RRH: variants seen among roughly 807,000 people sequenced by gnomAD.
RRH encodes visual pigment-like receptor peropsin.
Under a neutral mutation model 33.1 loss-of-function variants are expected in RRH, and 36 were observed. That is an observed-to-expected ratio of 1.09 (90% CI 0.83 to 1.44). The LOEUF (loss-of-function observed/expected upper bound fraction) is 1.44, where lower values mean the gene tolerates loss of function less well. Among genes scored for constraint, RRH ranks in the 40% most tolerant of loss-of-function variants. The pLI, the probability that RRH is intolerant of heterozygous loss-of-function variation, is 0.00. For synonymous variants in RRH, 124 were observed against 140.2 expected (o/e 0.88, Z 0.82); for missense variants, 393 against 420.2 (o/e 0.94, Z 0.57).
intron 6 of RRH, among the ~76,000 whole-genome samples, chr4:109,843,755 A>C (rs1457308579): frequency 6.6e-6 from 1 of 152,238 alleles, no homozygotes; most frequent in African/African-American, 2.4e-5. Flanking sequence ...GCATCCTTTT[A>C]AATACATATA....
rs1171302544 is a variant in RRH at position 109,831,312 on chromosome 4, A to T, written c.107-1827A>T. 3.9e-5 allele frequency among the ~76,000 whole-genome samples: 6 copies of T among 152,256 alleles called. No individual in the cohort carries two copies. In the South Asian group the frequency reaches 1.2e-3, roughly 32 times the overall value. On this transcript the variant is annotated intron_variant, in intron 1 of 6. Transcript: ENST00000317735. The stretch of plus-strand genomic sequence containing the variant: ...AAAAATAGGGCCAAAGAATCATCAA[A>T]TTTGCTGTCATTGTGTGCTAATTAT...
At chr4:109,830,294 A>G (rs1228760621) in intron 1 of RRH, among the ~76,000 whole-genome samples, 1 of 152,148 alleles carries the variant, frequency 6.6e-6, no homozygotes, top group Admixed American at 6.6e-5. Flanking sequence ...TGTAAGTTTT[A>G]AAGGTGACAG....
intron 1 of RRH, among the ~76,000 whole-genome samples, chr4:109,831,749 G>A (rs894093505): frequency 6.6e-6 from 1 of 152,164 alleles, no homozygotes; most frequent in African/African-American, 2.4e-5. Context: ...GACAACAGAT[G>A]AGGCAAAGAG....
intron 5 of RRH, among the ~76,000 whole-genome samples, chr4:109,838,364 C>T (rs1220615504): frequency 1.3e-5 from 2 of 152,150 alleles, no homozygotes; most frequent in Non-Finnish European, 2.9e-5. Context: ...TTCCCTGGGG[C>T]CTCTTGCTCT....
chr4:109,834,575 C>T (rs549395781), intron 2 of RRH, among the ~76,000 whole-genome samples: 1 of 150,786 alleles, frequency 6.6e-6, no homozygotes, highest in Non-Finnish European at 1.5e-5. Flanking sequence ...GATCTCCTGA[C>T]CTCATGATCC....
rs56989659 is a variant in RRH at position 109,836,891 on chromosome 4, C to CAAAAAA, written c.552-531_552-526dup. Among the ~76,000 whole-genome samples the CAAAAAA allele has an allele frequency of 3.8e-3, 319 of 84,372 alleles. 18 individuals are homozygous for CAAAAAA. The highest frequency in any genetic ancestry group is 0.018 in the African/African-American group (303 of 16,806). 55.4% of individuals were successfully genotyped at this position (84,372 alleles called of 152,430 possible). A position where few individuals can be genotyped will look rare whatever the true frequency, so the allele number is the denominator to read the frequency against. On this transcript the variant is annotated intron_variant, in intron 4 of 6. Transcript: ENST00000317735. ...GCAACATATTGAGACCCTGTCTCTA[C>CAAAAAA]AAAAAAAAAAAAAAAAAAAAGCAGA...
Position 109,837,508 on chromosome 4 carries a change from G to A in RRH, c.623G>A (p.Cys208Tyr), listed in dbSNP as rs1733908181. ...GTGCCCTTGACAGTGATGTTTTACT[G>A]CTATTACCATGTCACGCTATCCATT... ...FIVPLTVMFY[C>Y]YYHVTLSIKH... Residue 208 changes from cysteine to tyrosine, a missense_variant, in exon 5 of 7, where the codon TGC becomes TAC. Cys to Tyr is a radical substitution (Grantham distance 194). Coordinates refer to ENST00000317735, the MANE Select transcript of RRH (RefSeq NM_006583.5). The A allele has an allele frequency of 1.2e-6, 2 of 1,613,314 alleles. No homozygotes were observed. The highest frequency in any genetic ancestry group is 1.7e-5 in the Admixed American group (1 of 59,996).
At chr4:109,829,295 A>G (rs2125891721) in intron 1 of RRH, among the ~76,000 whole-genome samples, 1 of 152,140 alleles carries the variant, frequency 6.6e-6, no homozygotes, top group Admixed American at 6.5e-5. Context: ...TACCTCTATG[A>G]TAAGTACTAG....
intron 4 of RRH, among the ~76,000 whole-genome samples, chr4:109,837,048 C>T (rs1461024755): frequency 1.3e-5 from 2 of 152,064 alleles, no homozygotes; most frequent in African/African-American, 2.4e-5. Flanking sequence ...GATTGCACCG[C>T]TGCACTCCAG....
chr4:109,829,013 CTT>C (rs1427871916), intron 1 of RRH, among the ~76,000 whole-genome samples: 2 of 152,050 alleles, frequency 1.3e-5, no homozygotes, highest in Non-Finnish European at 2.9e-5. Context: ...AATTGTGTAA[CTT>C]TTATATTGAG....
rs78223721 is a variant in RRH, at chr4:109,830,242, G to T, written c.106+2109G>T. ...GTTTGAACTGTAAAATGAAGGGTGA[G>T]AGGTTGAAAAAGATGGCTGAGTACC... On this transcript the variant is annotated intron_variant, in intron 1 of 6. Coordinates refer to ENST00000317735, the MANE Select transcript of RRH (RefSeq NM_006583.5). Among the ~76,000 whole-genome samples, 417 of 152,220 alleles carry T rather than the reference G, an allele frequency of 2.7e-3. 1 individual carries two copies. Among genetic ancestry groups the T allele is most frequent in the African/African-American group, 9.4e-3 (391 of 41,560 alleles).
In RRH at chr4:109,837,523, C is replaced by T. The variant is rs763283077; in HGVS notation, c.638C>T (p.Thr213Met). 56 of 1,612,992 alleles carry T rather than the reference C, an allele frequency of 3.5e-5. No individual in the cohort carries two copies. The highest frequency in any genetic ancestry group is 5.0e-5 in the Admixed American group (3 of 60,002). ...ATGTTTTACTGCTATTACCATGTCA[C>T]GCTATCCATTAAACATCACACTACC... ...TVMFYCYYHV[T>M]LSIKHHTTSD... The change falls in exon 5 of 7, where the codon ACG becomes ATG. Residue 213 changes from threonine (T) to methionine (M), a missense_variant. Coordinates refer to ENST00000317735, the MANE Select transcript of RRH (RefSeq NM_006583.5).
rs1734042297 is a variant in RRH, at chr4:109,844,353, T to G, written c.*156T>G. 5.1e-6 allele frequency: 3 copies of G among 583,470 alleles called. No individual in the cohort carries two copies. The highest frequency in any genetic ancestry group is 9.4e-6 in the Non-Finnish European group (3 of 317,828). The allele number at this position is 583,470 out of a possible 1,614,324, so 36.1% of individuals were successfully genotyped here. ...AGCTCGTGCTTCTGTTTGTGCACTC[T>G]GGCTGCTGTAGTGTATGCTTCTCTG... On this transcript the variant is annotated 3_prime_UTR_variant, in exon 7 of 7. Transcript: ENST00000317735.
At chr4:109,829,283 A>C (rs779197990) in intron 1 of RRH, among the ~76,000 whole-genome samples, 2 of 152,072 alleles carry the variant, frequency 1.3e-5, no homozygotes, top group African/African-American at 2.4e-5. Flanking sequence ...CGTTCATTTG[A>C]ATACCTCTAT....
intron 5 of RRH, 86 bp downstream of exon 5, chr4:109,837,691 T>C: frequency 1.0e-6 from 1 of 963,410 alleles, no homozygotes; most frequent in Non-Finnish European, 1.6e-6. Flanking sequence ...CACCGCAGTC[T>C]TCTCTCCCTC....
At chr4:109,843,679 A>G (rs1215376598) in intron 6 of RRH, among the ~76,000 whole-genome samples, 2 of 152,244 alleles carry the variant, frequency 1.3e-5, no homozygotes, top group African/African-American at 4.8e-5. Flanking sequence ...TCTTGCTAGG[A>G]AGAACAGATG....
Position 109,842,478 on chromosome 4 carries a change from A to G in RRH, c.730A>G (p.Ile244Val), listed in dbSNP as rs142582141. Residue 244 changes from isoleucine to valine, a missense_variant, in exon 6 of 7, where the codon ATC becomes GTC. By Grantham distance (29) the Ile-to-Val change is conservative. Coordinates refer to ENST00000317735, the MANE Select transcript of RRH (RefSeq NM_006583.5). The part of the protein sequence containing the change: ...DQIDVTKMSV[I>V]MICMFLVAWS... The stretch of plus-strand genomic sequence containing the variant: ...ATTTATTTCTTTTCAGATGTCTGTG[A>G]TCATGATCTGCATGTTTCTGGTGGC... 120 of 1,613,478 alleles carry G rather than the reference A, an allele frequency of 7.4e-5. No homozygotes were observed. The highest frequency in any genetic ancestry group is 9.9e-5 in the Non-Finnish European group (117 of 1,179,584).
intron 1 of RRH, among the ~76,000 whole-genome samples, chr4:109,831,304 A>C (rs540194140): frequency 8.5e-5 from 13 of 152,170 alleles, no homozygotes; most frequent in Non-Finnish European, 1.3e-4. Flanking sequence ...GGGCCAAAGA[A>C]TCATCAAATT....
chr4:109,829,175 A>G (rs565116886), intron 1 of RRH, among the ~76,000 whole-genome samples: 190 of 798 alleles, frequency 0.24, no homozygotes, highest in Admixed American at 0.32. Flanking sequence ...TACCCAGTTT[A>G]TAATTGTTTA....
Sources: allele counts gnomAD v4.1 joint callset (sites outside exome capture counted in the v4.1 genomes callset), GRCh38; gene constraint gnomAD v4.1.1; transcripts MANE v1.5; gene names NCBI Gene and HGNC (gene_info 2026-07-23, HGNC 2026-07-21).